ITPR2: variants seen among roughly 807,000 people sequenced by gnomAD.
The protein encoded by ITPR2 is inositol 1,4,5-trisphosphate receptor type 2.
Under a neutral mutation model 317.1 loss-of-function variants are expected in ITPR2, and 207 were observed. The observed-to-expected ratio is 0.65, with a 90% confidence interval of 0.58 to 0.73. ITPR2 has a LOEUF of 0.73. Among genes scored for constraint, ITPR2 ranks in the 30% least tolerant of loss-of-function variants. The pLI is 0.00. For missense variants in ITPR2, 2,613 were observed against 3,284.0 expected, an observed-to-expected ratio of 0.80 and a Z score of 4.99; for synonymous variants, 1,156 against 1,149.1, an observed-to-expected ratio of 1.01 and a Z score of -0.12.
intron 13 of ITPR2, among the ~76,000 whole-genome samples, chr12:26,668,885 T>C (rs916564976): frequency 7.9e-5 from 12 of 150,952 alleles, no homozygotes; most frequent in African/African-American, 2.7e-4. Flanking sequence ...TTTTGGGAGG[T>C]TGAGGCAGGG....
intron 34 of ITPR2, among the ~76,000 whole-genome samples, chr12:26,569,221 A>G (rs891916640): frequency 5.9e-5 from 9 of 152,144 alleles, no homozygotes; most frequent in Admixed American, 5.9e-4. Flanking sequence ...AAAATATTGC[A>G]TGCCAAAAAA....
intron 1 of ITPR2, among the ~76,000 whole-genome samples, chr12:26,792,161 ATAAT>A (rs1263951412): frequency 2.0e-5 from 3 of 152,132 alleles, no homozygotes; most frequent in Non-Finnish European, 4.4e-5. Flanking sequence ...TAAAAACATA[ATAAT>A]TAAGAGTGAC....
At chr12:26,438,194 A>C (rs930824420) in intron 47 of ITPR2, among the ~76,000 whole-genome samples, 16 of 152,218 alleles carry the variant, frequency 1.1e-4, no homozygotes, top group Admixed American at 9.8e-4. Flanking sequence ...ATAAGGCTCT[A>C]CATGGTAAAA....
intron 28 of ITPR2, among the ~76,000 whole-genome samples, chr12:26,600,631 A>G (rs1054812224): frequency 1.0e-4 from 15 of 150,430 alleles, no homozygotes; most frequent in South Asian, 2.1e-4. Context: ...TCCCTACTCT[A>G]TTTCACTCTC....
intron 45 of ITPR2, among the ~76,000 whole-genome samples, chr12:26,462,310 G>A (rs544504869): frequency 6.6e-6 from 1 of 152,194 alleles, no homozygotes; most frequent in South Asian, 2.1e-4. Context: ...GGGACTACAG[G>A]CAAGTGCCAC....
intron 54 of ITPR2, among the ~76,000 whole-genome samples, 171 bp from the exon 55 acceptor site, chr12:26,387,765 G>C (rs1939708169): frequency 2.6e-5 from 4 of 152,172 alleles, no homozygotes. Context: ...CTCCAGAAAA[G>C]AGGCCATCGT....
intron 34 of ITPR2, among the ~76,000 whole-genome samples, chr12:26,574,676 C>T (rs1184381797): frequency 6.6e-6 from 1 of 152,086 alleles, no homozygotes; most frequent in Admixed American, 6.5e-5. Context: ...TTAACTGACT[C>T]GTCGTTCTGC....
rs543683164 is a variant in ITPR2, at chr12:26,388,423, A to G, written c.7697-829T>C. ...ATCCAACCCTGGCTATTCTTTCTCT[A>G]AGCATTTTTTGTAAGTTCACTCAGG... On this transcript the variant is annotated intron_variant, in intron 54 of 56. Transcript: ENST00000381340. Among the ~76,000 whole-genome samples, 3 of 152,226 alleles carry G rather than the reference A, an allele frequency of 2.0e-5. No individual in the cohort carries two copies. The South Asian group carries it at 6.2e-4, about 32-fold the overall frequency.
chr12:26,536,963 C>T (rs928484015), intron 37 of ITPR2, among the ~76,000 whole-genome samples: 2 of 152,122 alleles, frequency 1.3e-5, no homozygotes, highest in South Asian at 2.1e-4. Context: ...AAGCTTCTTC[C>T]CCTGGAGGAT....
intron 2 of ITPR2, among the ~76,000 whole-genome samples, chr12:26,752,550 G>T (rs944713245): frequency 6.6e-6 from 1 of 152,094 alleles, no homozygotes; most frequent in Non-Finnish European, 1.5e-5. Flanking sequence ...TACCCTATAT[G>T]GTCTAAAAAG....
chr12:26,635,469 A>C (rs1407640105), intron 21 of ITPR2, among the ~76,000 whole-genome samples: 8 of 152,246 alleles, frequency 5.3e-5, no homozygotes, highest in Non-Finnish European at 8.8e-5. Context: ...CATTTATAAG[A>C]GATAACAGAC....
At chr12:26,446,658 C>T (rs1274475610) in intron 45 of ITPR2, among the ~76,000 whole-genome samples, 1 of 150,556 alleles carries the variant, frequency 6.6e-6, no homozygotes, top group Non-Finnish European at 1.5e-5. Flanking sequence ...GCCTTTCTCC[C>T]TCCCATTGAC....
At chr12:26,352,562 C>T (rs11048478) in intron 55 of ITPR2, among the ~76,000 whole-genome samples, 25,781 of 152,194 alleles carry the variant, frequency 0.17, 2,449 homozygotes, top group African/African-American at 0.24. Flanking sequence ...TGGGCACTGA[C>T]GGTGGCTTCA....
At chr12:26,504,575 A>G (rs1384820898) in intron 37 of ITPR2, among the ~76,000 whole-genome samples, 1 of 152,222 alleles carries the variant, frequency 6.6e-6, no homozygotes, top group Non-Finnish European at 1.5e-5. Context: ...CAATAAATTG[A>G]CAAAAATTAA....
rs369274314 is a variant in ITPR2, at chr12:26,561,946, T to C, written c.4637A>G (p.Asn1546Ser). The C allele has an allele frequency of 4.6e-6, 7 of 1,509,858 alleles. No homozygotes were observed. The African/African-American group carries it at 5.8e-5, about 12-fold the overall frequency. 93.5% of individuals were successfully genotyped at this position (1,509,858 alleles called of 1,614,324 possible). ...CIRTLAEVAK[N>S]RGIAIPVDLD... Reference sequence around the variant, plus strand: ...ATCCACTGGAATGGCAATTCCACGATTTTTTGCTGAAAAAGAAAGATTTAA... The same window carrying C: ...ATCCACTGGAATGGCAATTCCACGACTTTTTGCTGAAAAAGAAAGATTTAA... The change falls in exon 35 of 57, where the codon AAT becomes AGT. Residue 1546 changes from asparagine to serine, a missense_variant. Around this residue, in one of 9 missense-constraint regions of ITPR2, gnomAD observed 926 missense variants for 1,072.8 expected, o/e 0.86. Coordinates refer to ENST00000381340, the MANE Select transcript of ITPR2 (RefSeq NM_002223.4).
At chr12:26,733,229 G>A (rs1351736664) in intron 2 of ITPR2, among the ~76,000 whole-genome samples, 4 of 150,162 alleles carry the variant, frequency 2.7e-5, no homozygotes, top group South Asian at 2.1e-4. Flanking sequence ...CAGCAGAATC[G>A]TTTGAAACCA....
In ITPR2 at chr12:26,832,675, T is replaced by C. The variant is rs776021853; in HGVS notation, c.92+15A>G. The C allele has an allele frequency of 5.7e-6, 9 of 1,583,472 alleles. No individual in the cohort carries two copies. The highest frequency in any genetic ancestry group is 2.8e-5 in the African/African-American group (2 of 71,710). On this transcript the variant is annotated intron_variant, in intron 1 of 56. Transcript: ENST00000381340. ...CCGGAGCGCGAGCGCTGCCCAGCCCTCGTCTCCCGCTTACCCCAAGGTGCT... is the reference window on the plus strand; with the variant it reads ...CCGGAGCGCGAGCGCTGCCCAGCCCCCGTCTCCCGCTTACCCCAAGGTGCT...
At chr12:26,584,908 A>C (rs1945485749) in intron 32 of ITPR2, among the ~76,000 whole-genome samples, 1 of 152,204 alleles carries the variant, frequency 6.6e-6, no homozygotes. Context: ...GTGATATCTC[A>C]TATTTATTTT....
chr12:26,624,222 C>A lies in ITPR2; in HGVS notation c.3122+77G>T, dbSNP rs547101961. 74 of 981,580 alleles carry A rather than the reference C, an allele frequency of 7.5e-5. No individual in the cohort carries two copies. In the African/African-American group the frequency reaches 1.1e-3, roughly 15 times the overall value. 60.8% of individuals were successfully genotyped at this position (981,580 alleles called of 1,614,324 possible). A position where few individuals can be genotyped will look rare whatever the true frequency, so the allele number is the denominator to read the frequency against. On this transcript the variant is annotated intron_variant, in intron 24 of 56. Transcript: ENST00000381340. ...TAAAAATAAATAGATATAGAGTGAA[C>A]AATATCAAAGTATCAATAGAATTCT...
Sources: allele counts gnomAD v4.1 joint callset (sites outside exome capture counted in the v4.1 genomes callset), GRCh38; gene constraint gnomAD v4.1.1; regional missense constraint gnomAD v4.1.1; transcripts MANE v1.5; gene names NCBI Gene and HGNC (gene_info 2026-07-23, HGNC 2026-07-21).